The following NBEA variants were observed in gnomAD, a reference collection of about 807,000 sequenced individuals.
NBEA encodes the protein lysosomal-trafficking regulator 2.
A neutral mutation model predicts 343.4 loss-of-function variants in NBEA; 44 were observed. The observed-to-expected ratio is 0.13, with a 90% CI of 0.10 to 0.16. NBEA has a LOEUF of 0.16. Ranked by LOEUF, NBEA falls within the 10% of genes least tolerant of loss-of-function variation. NBEA has a pLI of 1.00. For synonymous variants in NBEA, 1,175 were observed against 1,238.7 expected, an observed-to-expected ratio of 0.95 and a Z score of 1.08; for missense variants, 2,555 against 3,631.3, an observed-to-expected ratio of 0.70 and a Z score of 7.62.
chr13:35,166,723 T>A (rs2070065440), intron 24 of NBEA, among the ~76,000 whole-genome samples: 1 of 152,098 alleles, frequency 6.6e-6, no homozygotes, highest in East Asian at 1.9e-4. Flanking sequence ...CTATTATGAA[T>A]GTTGTTTTTG....
intron 14 of NBEA, 126 bp downstream of exon 14, chr13:35,117,619 C>A: frequency 2.8e-6 from 1 of 360,632 alleles, no homozygotes; most frequent in Non-Finnish European, 4.8e-6. Context: ...AAATTCTCCA[C>A]ATCTTAGTAT....
intron 49 of NBEA, among the ~76,000 whole-genome samples, chr13:35,641,450 T>C (rs191047640): frequency 9.9e-5 from 15 of 152,230 alleles, no homozygotes; most frequent in Non-Finnish European, 1.5e-4. Flanking sequence ...ACAGAATTGA[T>C]AAATTGTGTT....
At chr13:35,042,244 C>CT (rs202084709) in intron 2 of NBEA, among the ~76,000 whole-genome samples, 2 of 151,360 alleles carry the variant, frequency 1.3e-5, no homozygotes, top group Non-Finnish European at 3.0e-5. Context: ...TGGCATATAT[C>CT]TTTTTTTTAG....
At chr13:35,237,787 A>G (rs2075303467) in intron 34 of NBEA, among the ~76,000 whole-genome samples, 3 of 152,168 alleles carry the variant, frequency 2.0e-5, no homozygotes, top group African/African-American at 7.2e-5. Context: ...TTTATGTTTT[A>G]TATTCCATTT....
At chr13:35,044,040 A>G (rs916470455) in intron 2 of NBEA, among the ~76,000 whole-genome samples, 1 of 152,172 alleles carries the variant, frequency 6.6e-6, no homozygotes, top group Non-Finnish European at 1.5e-5. Context: ...AAAAGTATTA[A>G]TCACAATATG....
chr13:35,362,773 A>T (rs73494519), intron 38 of NBEA, among the ~76,000 whole-genome samples: 1,822 of 152,120 alleles, frequency 0.012, 44 homozygotes, highest in African/African-American at 0.042. Context: ...TTTCAGTTTG[A>T]TATTCTACAC....
chr13:35,348,756 G>A (rs554810347), intron 36 of NBEA, among the ~76,000 whole-genome samples: 1 of 152,020 alleles, frequency 6.6e-6, no homozygotes, highest in South Asian at 2.1e-4. Flanking sequence ...CCTAAAGTGT[G>A]GTCATTGAAC....
chr13:35,451,672 T>G (rs190673118), intron 39 of NBEA, among the ~76,000 whole-genome samples: 72 of 152,316 alleles, frequency 4.7e-4, no homozygotes, highest in Admixed American at 8.5e-4. Context: ...GATTAGCTAA[T>G]TAAGACAAAG....
At chr13:35,255,876 A>C (rs1252436342) in intron 34 of NBEA, among the ~76,000 whole-genome samples, 1 of 152,228 alleles carries the variant, frequency 6.6e-6, no homozygotes, top group South Asian at 2.1e-4. Context: ...AGAATGAGAT[A>C]TGTGGACAAC....
chr13:35,581,752 A>T (rs1373371995), intron 45 of NBEA, among the ~76,000 whole-genome samples: 10 of 73,334 alleles, frequency 1.4e-4, no homozygotes, highest in Non-Finnish European at 2.0e-4. Flanking sequence ...GGGAGGGGGG[A>T]GGGATAGCAT....
At chr13:35,107,863 T>C (rs1203753042) in intron 11 of NBEA, among the ~76,000 whole-genome samples, 1 of 152,010 alleles carries the variant, frequency 6.6e-6, no homozygotes, top group East Asian at 1.9e-4. Flanking sequence ...GTGGGTGAAA[T>C]TGGCCCACAG....
chr13:35,166,110 A>G (rs887232238), intron 24 of NBEA, among the ~76,000 whole-genome samples: 1 of 152,174 alleles, frequency 6.6e-6, no homozygotes. Flanking sequence ...AATTTTTAAA[A>G]GGTTGTATTG....
At chr13:35,576,100 T>G (rs1405690355) in intron 45 of NBEA, among the ~76,000 whole-genome samples, 4 of 151,848 alleles carry the variant, frequency 2.6e-5, no homozygotes, top group Non-Finnish European at 4.4e-5. Flanking sequence ...ATAATAGAAG[T>G]TTTTTGTTTT....
rs1442634615 is a variant in NBEA, at chr13:35,645,920, G to A, written c.7669G>A (p.Asp2557Asn). The A allele has an allele frequency of 2.3e-5, 36 of 1,565,530 alleles. No homozygotes were observed. Among genetic ancestry groups the A allele is most frequent in the Non-Finnish European group, 3.0e-5 (34 of 1,150,046 alleles). ...CCCCCACACTTTCCTTCTTACAAAG[G>A]ACTTTATTAAGGTATATGTTCTGTA... ...RDPHTFLLTK[D>N]FIKAMEAQIQ... Residue 2557 changes from aspartate to asparagine, a missense_variant, in exon 50 of 59, where the codon GAC (aspartate) becomes AAC (asparagine). By Grantham distance (23) the Asp-to-Asn change is conservative (BLOSUM62 1). Coordinates refer to ENST00000379939, the MANE Select transcript of NBEA (RefSeq NM_001385012.1).
intron 41 of NBEA, among the ~76,000 whole-genome samples, chr13:35,497,711 G>A (rs553712366): frequency 1.8e-4 from 27 of 152,108 alleles, no homozygotes; most frequent in African/African-American, 6.5e-4. Context: ...CTCTTTTAAT[G>A]ATAGGCAAAT....
At chr13:35,021,760 C>T (rs531691304) in intron 1 of NBEA, among the ~76,000 whole-genome samples, 83 of 152,162 alleles carry the variant, frequency 5.5e-4, no homozygotes, top group Non-Finnish European at 9.6e-4. Flanking sequence ...ATATTTCTCC[C>T]GCCATGTCCT....
chr13:35,217,655 C>T (rs756159373), intron 33 of NBEA, among the ~76,000 whole-genome samples: 1 of 151,950 alleles, frequency 6.6e-6, no homozygotes, highest in Non-Finnish European at 1.5e-5. Context: ...GTTTTTAAGA[C>T]CTTTTAAGGC....
At chr13:35,271,927 A>T (rs2034193012) in intron 34 of NBEA, among the ~76,000 whole-genome samples, 1 of 152,236 alleles carries the variant, frequency 6.6e-6, no homozygotes, top group African/African-American at 2.4e-5. Context: ...GTTAGAAAAC[A>T]TTCTTCAGGA....
At chr13:35,568,328 C>T (rs1282003460) in intron 45 of NBEA, among the ~76,000 whole-genome samples, 1 of 152,056 alleles carries the variant, frequency 6.6e-6, no homozygotes, top group African/African-American at 2.4e-5. Flanking sequence ...ATCAGTTAGC[C>T]AACATCTTAC....
Sources: allele counts gnomAD v4.1 joint callset (sites outside exome capture counted in the v4.1 genomes callset), GRCh38; gene constraint gnomAD v4.1.1; transcripts MANE v1.5; gene names NCBI Gene and HGNC (gene_info 2026-07-23, HGNC 2026-07-21).